NPAS3: variants seen among roughly 807,000 people sequenced by gnomAD.
The protein encoded by NPAS3 is neuronal PAS domain protein 3.
NPAS3 carries 14 observed loss-of-function variants against 73.1 expected under a neutral mutation model. The ratio of observed to expected loss-of-function variants is 0.19; its 90% CI spans 0.13 to 0.30. The LOEUF (loss-of-function observed/expected upper bound fraction) is 0.30. Among genes scored for constraint, NPAS3 ranks in the 10% least tolerant of loss-of-function variants. The probability of loss-of-function intolerance (pLI) is 1.00; values close to 1 mark genes in which losing one functional copy is unlikely to be tolerated. For missense variants in NPAS3, 1,096 were observed against 1,250.0 expected (o/e 0.88, Z 1.86); for synonymous variants, 620 against 541.5 (o/e 1.14, Z -2.01).
chr14:33,468,284 G>C (rs1240533834), intron 4 of NPAS3, among the ~76,000 whole-genome samples: 1 of 152,186 alleles, frequency 6.6e-6, no homozygotes, highest in Non-Finnish European at 1.5e-5. Flanking sequence ...AGGCAGAAAA[G>C]CTGAATTAAT....
At chr14:33,352,643 A>G (rs975984656) in intron 3 of NPAS3, among the ~76,000 whole-genome samples, 1 of 152,244 alleles carries the variant, frequency 6.6e-6, no homozygotes, top group African/African-American at 2.4e-5. Context: ...ACTAAACTAC[A>G]GCTGTCTTCC....
At chr14:33,575,192 TA>T (rs766963205) in intron 5 of NPAS3, among the ~76,000 whole-genome samples, 59 of 152,334 alleles carry the variant, frequency 3.9e-4, no homozygotes, top group Non-Finnish European at 2.9e-4. Flanking sequence ...CCATTTAACA[TA>T]GCTTGTTAAC....
chr14:33,296,777 G>A (rs1363727860), intron 3 of NPAS3, among the ~76,000 whole-genome samples: 1 of 152,122 alleles, frequency 6.6e-6, no homozygotes, highest in African/African-American at 2.4e-5. Context: ...ACAAAGCTGT[G>A]GTCAAGAATT....
intron 4 of NPAS3, among the ~76,000 whole-genome samples, chr14:33,524,749 G>T (rs1424120501): frequency 2.6e-5 from 4 of 152,142 alleles, no homozygotes; most frequent in Non-Finnish European, 4.4e-5. Context: ...GGATGTGAGG[G>T]AGGCTCTGTT....
chr14:33,380,389 C>T (rs183462020), intron 4 of NPAS3, among the ~76,000 whole-genome samples: 246 of 152,202 alleles, frequency 1.6e-3, no homozygotes, highest in Middle Eastern at 6.8e-3. Context: ...CTACTATCTT[C>T]TGTCATTTCT....
chr14:33,311,305 AT>A, intron 3 of NPAS3, among the ~76,000 whole-genome samples: 1 of 152,268 alleles, frequency 6.6e-6, no homozygotes, highest in East Asian at 1.9e-4. Flanking sequence ...CTGTTTGTAT[AT>A]TGATTGACCA....
chr14:33,700,801 A>G (rs2060504266), intron 6 of NPAS3, among the ~76,000 whole-genome samples: 1 of 152,204 alleles, frequency 6.6e-6, no homozygotes, highest in Admixed American at 6.5e-5. Flanking sequence ...GGTCTGACCA[A>G]TCCACGTATA....
chr14:33,413,236 AT>A (rs1320279862), intron 4 of NPAS3, among the ~76,000 whole-genome samples: 1 of 149,594 alleles, frequency 6.7e-6, no homozygotes, highest in Non-Finnish European at 1.5e-5. Context: ...TCAGATATGT[AT>A]TTTTGTTCCT....
intron 2 of NPAS3, among the ~76,000 whole-genome samples, chr14:33,117,270 G>T (rs1035585359): frequency 6.6e-6 from 1 of 151,850 alleles, no homozygotes; most frequent in Non-Finnish European, 1.5e-5. Context: ...GGAGATTCAC[G>T]GCTAGAGGGG....
chr14:32,969,370 T>C (rs975467860), intron 1 of NPAS3, among the ~76,000 whole-genome samples: 10 of 152,142 alleles, frequency 6.6e-5, no homozygotes. Context: ...TGCCAAGTAC[T>C]AGGAGGTGTG....
intron 2 of NPAS3, among the ~76,000 whole-genome samples, chr14:33,204,400 T>G (rs1234024444): frequency 6.6e-6 from 1 of 152,132 alleles, no homozygotes; most frequent in Admixed American, 6.6e-5. Flanking sequence ...TGATTCTAAT[T>G]ACAGTAGTTA....
chr14:33,263,455 C>T (rs1238791149), intron 3 of NPAS3, among the ~76,000 whole-genome samples: 1 of 152,074 alleles, frequency 6.6e-6, no homozygotes, highest in Non-Finnish European at 1.5e-5. Flanking sequence ...TTTCTGAGGC[C>T]TCTGTTCTGT....
At chr14:33,012,414 G>A (rs1056522570) in intron 1 of NPAS3, among the ~76,000 whole-genome samples, 1 of 152,156 alleles carries the variant, frequency 6.6e-6, no homozygotes, top group African/African-American at 2.4e-5. Flanking sequence ...CTAATAACTT[G>A]CTAAATAGCG....
intron 4 of NPAS3, among the ~76,000 whole-genome samples, chr14:33,527,269 T>C (rs1187457549): frequency 6.6e-6 from 1 of 152,182 alleles, no homozygotes; most frequent in Non-Finnish European, 1.5e-5. Context: ...GAAATGAATC[T>C]TCCTAGCCCT....
At chr14:33,623,982 G>A (rs1017508797) in intron 5 of NPAS3, among the ~76,000 whole-genome samples, 1 of 152,172 alleles carries the variant, frequency 6.6e-6, no homozygotes, top group African/African-American at 2.4e-5. Flanking sequence ...GGCATCGCTT[G>A]TTCTCCTTTT....
At chr14:32,964,524 GAGAA>G (rs138340313) in intron 1 of NPAS3, among the ~76,000 whole-genome samples, 33,920 of 151,992 alleles carry the variant, frequency 0.22, 4,403 homozygotes, top group Middle Eastern at 0.37. Context: ...GATATAAATA[GAGAA>G]AGAAATATAT....
At chr14:33,460,155 T>G (rs1295715913) in intron 4 of NPAS3, among the ~76,000 whole-genome samples, 1 of 152,242 alleles carries the variant, frequency 6.6e-6, no homozygotes, top group Non-Finnish European at 1.5e-5. Context: ...CTGTTTTTTA[T>G]TTTCTTGTCA....
intron 6 of NPAS3, among the ~76,000 whole-genome samples, chr14:33,679,880 TATTTTATATGTATGCAC>T (rs1184136662): frequency 6.6e-6 from 1 of 152,162 alleles, no homozygotes; most frequent in Non-Finnish European, 1.5e-5. Context: ...CCCAAATAAA[TATTTTATATGTATGCAC>T]ATTTTTTAAC....
At chr14:33,726,458 A>G (rs892406049) in intron 6 of NPAS3, among the ~76,000 whole-genome samples, 2 of 152,174 alleles carry the variant, frequency 1.3e-5, no homozygotes, top group Non-Finnish European at 2.9e-5. Flanking sequence ...GGAGCCATAA[A>G]TTTACCATAA....
Sources: allele counts gnomAD v4.1 joint callset (sites outside exome capture counted in the v4.1 genomes callset), GRCh38; gene constraint gnomAD v4.1.1; transcripts MANE v1.5; gene names NCBI Gene and HGNC (gene_info 2026-07-23, HGNC 2026-07-21).